ZNF580: variants seen among roughly 807,000 people sequenced by gnomAD.
ZNF580 encodes LDL-induced EC protein.
ZNF580 carries 1 observed loss-of-function variant against 1.3 expected under a neutral mutation model. That is an observed-to-expected ratio of 0.77 (90% CI 0.27 to 3.65). The LOEUF (loss-of-function observed/expected upper bound fraction) is 3.65. Ranked by LOEUF, ZNF580 falls within the 30% of genes most tolerant of loss-of-function variation. The pLI is 0.19. For missense variants in ZNF580, 268 were observed against 272.3 expected (o/e 0.98, Z 0.11); for synonymous variants, 135 against 128.8 (o/e 1.05, Z -0.32).
chr19:55,642,646 A>AC lies in ZNF580; in HGVS notation c.143dup (p.Arg49AlafsTer189), dbSNP rs1163340953. 1 of 1,422,048 alleles carries AC rather than the reference A, an allele frequency of 7.0e-7. No individual in the cohort carries two copies. Among genetic ancestry groups the AC allele is most frequent in the Non-Finnish European group, 9.2e-7 (1 of 1,086,278 alleles). 88.1% of individuals were successfully genotyped at this position (1,422,048 alleles called of 1,614,324 possible). ...CTCCTTCCTCGGCGGCGGGGCCCCG[A>AC]CCCCCGCGGCTGGGCCGCCACCTCC... On this transcript the variant is annotated frameshift_variant, in exon 2 of 2. Coordinates refer to ENST00000325333, the MANE Select transcript of ZNF580 (RefSeq NM_207115.2). LOFTEE classifies it low-confidence loss of function (END_TRUNC).
intron 1 of ZNF580, 51 bp downstream of exon 1, chr19:55,641,234 G>T: frequency 3.1e-6 from 3 of 975,254 alleles, no homozygotes; most frequent in South Asian, 4.7e-5. Context: ...CGACGCCGGG[G>T]CCAGGCAGGC....
intron 1 of ZNF580, 85 bp downstream of exon 1, chr19:55,641,268 C>T: frequency 2.3e-6 from 2 of 859,584 alleles, no homozygotes; most frequent in South Asian, 5.3e-5. Flanking sequence ...TGGAGCCACC[C>T]GGGATGGGGG....
chr19:55,642,993 C>A lies in ZNF580; in HGVS notation c.485C>A (p.Ala162Asp). The A allele has an allele frequency of 7.3e-7, 1 of 1,370,702 alleles. No homozygotes were observed. The highest frequency in any genetic ancestry group is 1.8e-5 in the South Asian group (1 of 54,798). The allele number at this position is 1,370,702 out of a possible 1,614,324, so 84.9% of individuals were successfully genotyped here. A position where few individuals can be genotyped will look rare whatever the true frequency, so the allele number is the denominator to read the frequency against. ...CTCTGCCCACGCCGCTTCCAGGACG[C>A]CGCGGAGCTGGCGCAGCACGTGCGC... ...CPLCPRRFQD[A>D]AELAQHVRLH Residue 162 changes from alanine to aspartate, a missense_variant, in exon 2 of 2, where the codon GCC becomes GAC. Physicochemically the swap from Ala to Asp is moderately radical, Grantham distance 126. Coordinates refer to ENST00000325333, the MANE Select transcript of ZNF580 (RefSeq NM_207115.2).
Position 55,642,566 on chromosome 19 carries a change from G to A in ZNF580, c.58G>A (p.Asp20Asn). 1 of 1,457,602 alleles carries A rather than the reference G, an allele frequency of 6.9e-7. No individual in the cohort carries two copies. Among genetic ancestry groups the A allele is most frequent in the South Asian group, 1.5e-5 (1 of 66,542 alleles). 90.3% of individuals were successfully genotyped at this position (1,457,602 alleles called of 1,614,324 possible). The change falls in exon 2 of 2, where the codon GAC becomes AAC. Residue 20 changes from aspartate (D) to asparagine (N), a missense_variant. Coordinates refer to ENST00000325333, the MANE Select transcript of ZNF580 (RefSeq NM_207115.2). ...HPRSSSPEAMDPPPPKAPPFP... is the reference protein window; with the variant it reads ...HPRSSSPEAMNPPPPKAPPFP... ...TCGGTCCTCCTCTCCGGAGGCCATG[G>A]ACCCACCGCCCCCCAAGGCTCCCCC...
chr19:55,641,741 TG>T (rs79295688), intron 1 of ZNF580: 22,124 of 123,900 alleles, frequency 0.18, 1,751 homozygotes, highest in East Asian at 0.24. Context: ...GTAGCCAGGT[TG>T]GGGGGGCGGG....
chr19:55,642,890 G>A lies in ZNF580; in HGVS notation c.382G>A (p.Ala128Thr), dbSNP rs762882983. Residue 128 changes from alanine to threonine, a missense_variant, in exon 2 of 2, where the codon GCC becomes ACC. By Grantham distance (58) the Ala-to-Thr change is moderately conservative. This residue lies in a region of ZNF580 where 225 missense variants were observed against 201.7 expected (regional missense o/e 1.12). Coordinates refer to ENST00000325333, the MANE Select transcript of ZNF580 (RefSeq NM_207115.2). ...KPFTCGACGKAFKRSSHLSRH... is the reference protein window; with the variant it reads ...KPFTCGACGKTFKRSSHLSRH... Reference sequence around the variant, plus strand: ...CTTCACGTGCGGCGCCTGCGGCAAGGCCTTCAAGCGCTCCAGCCACCTGTC... The same window carrying A: ...CTTCACGTGCGGCGCCTGCGGCAAGACCTTCAAGCGCTCCAGCCACCTGTC... The A allele has an allele frequency of 3.2e-6, 5 of 1,557,970 alleles. No homozygotes were observed. Among genetic ancestry groups the A allele is most frequent in the African/African-American group, 1.4e-5 (1 of 71,252 alleles).
intron 1 of ZNF580, chr19:55,641,775 AG>A (rs1982505069): frequency 1.3e-5 from 2 of 152,150 alleles, no homozygotes; most frequent in African/African-American, 4.9e-5. Context: ...AAGGCATTTG[AG>A]CCATTTTGGG....
chr19:55,642,941 C>A lies in ZNF580; in HGVS notation c.433C>A (p.Arg145Ser), dbSNP rs1001512786. 3.5e-6 allele frequency: 5 copies of A among 1,440,900 alleles called. No individual in the cohort carries two copies. The African/African-American group carries it at 5.9e-5, about 17-fold the overall frequency. The allele number at this position is 1,440,900 out of a possible 1,614,324, so 89.3% of individuals were successfully genotyped here. Residue 145 changes from arginine (R) to serine (S), a missense_variant, in exon 2 of 2, where the codon CGC becomes AGC. Physicochemically the swap from Arg to Ser is moderately radical, Grantham distance 110. Coordinates refer to ENST00000325333, the MANE Select transcript of ZNF580 (RefSeq NM_207115.2). Reference protein sequence around the residue: ...LSRHRATHRARAGPPHTCPLC... With the variant: ...LSRHRATHRASAGPPHTCPLC... ...GCGGCATCGCGCCACGCACCGCGCC[C>A]GCGCCGGGCCGCCGCACACCTGCCC...
In ZNF580 at chr19:55,642,132, G is replaced by T. The variant is rs1054162181; in HGVS notation, c.-12-365G>T. 18 of 1,019,968 alleles carry T rather than the reference G, an allele frequency of 1.8e-5. No homozygotes were observed. The East Asian group carries it at 1.4e-3, about 81-fold the overall frequency. 63.2% of individuals were successfully genotyped at this position (1,019,968 alleles called of 1,614,324 possible). ...AATCTCGGCGGTCAGGAGGCCCGGG[G>T]TCTAAGATGTAAAGAGGTAAACAGA... On this transcript the variant is annotated intron_variant, in intron 1 of 1. Coordinates refer to ENST00000325333, the MANE Select transcript of ZNF580 (RefSeq NM_207115.2).
In ZNF580 at chr19:55,641,114, C is replaced by T. The variant is rs1295764900; in HGVS notation, c.-82C>T. ...AAGTCTCGGTTCCGCCGCCGGCGCTCGCCAGGGGAAGCCCGGGGCCGCCCG... is the reference window on the plus strand; with the variant it reads ...AAGTCTCGGTTCCGCCGCCGGCGCTTGCCAGGGGAAGCCCGGGGCCGCCCG... On this transcript the variant is annotated 5_prime_UTR_variant, in exon 1 of 2. Transcript: ENST00000325333. 2 of 985,088 alleles carry T rather than the reference C, an allele frequency of 2.0e-6. No individual in the cohort carries two copies. Among genetic ancestry groups the T allele is most frequent in the African/African-American group, 3.5e-5 (2 of 57,180 alleles). The allele number at this position is 985,088 out of a possible 1,614,324, so 61.0% of individuals were successfully genotyped here.
chr19:55,642,439 G>A (rs935444454), intron 1 of ZNF580, 58 bp from the exon 2 acceptor site: 1 of 1,396,542 alleles, frequency 7.2e-7, no homozygotes, highest in Middle Eastern at 1.9e-4. Flanking sequence ...TCCATTTTAG[G>A]AAACTTTTCC....
intron 1 of ZNF580, chr19:55,642,156 G>C (rs1416196146): frequency 9.4e-7 from 1 of 1,063,196 alleles, no homozygotes; most frequent in African/African-American, 1.7e-5. Flanking sequence ...GAGGTAAACA[G>C]ATTTAGGGAT....
chr19:55,642,459 G>A, intron 1 of ZNF580, 38 bp from the exon 2 acceptor site: 3 of 1,398,302 alleles, frequency 2.1e-6, no homozygotes, highest in Non-Finnish European at 2.8e-6. Flanking sequence ...CTAAAAGGAA[G>A]TGGCAATTTT....
In ZNF580 at chr19:55,643,195, C is replaced by A. The variant is rs760740711; in HGVS notation, c.*168C>A. 1.0e-5 allele frequency: 12 copies of A among 1,167,856 alleles called. No individual in the cohort carries two copies. Among genetic ancestry groups the A allele is most frequent in the African/African-American group, 1.6e-5 (1 of 62,124 alleles). 72.3% of individuals were successfully genotyped at this position (1,167,856 alleles called of 1,614,324 possible). ...GGGAGGAGCATCATTCCTTCCTTAC[C>A]CCCTTTCTAGCTGTGTGATGTAGAC... On this transcript the variant is annotated 3_prime_UTR_variant, in exon 2 of 2. Coordinates refer to ENST00000325333, the MANE Select transcript of ZNF580 (RefSeq NM_207115.2).
Position 55,641,059 on chromosome 19 carries a change from C to A in ZNF580, c.-137C>A, listed in dbSNP as rs1355376567. 4.1e-6 allele frequency: 4 copies of A among 985,182 alleles called. No homozygotes were observed. Among genetic ancestry groups the A allele is most frequent in the South Asian group, 4.7e-5 (1 of 21,330 alleles). The allele number at this position is 985,182 out of a possible 1,614,324, so 61.0% of individuals were successfully genotyped here. A position where few individuals can be genotyped will look rare whatever the true frequency, so the allele number is the denominator to read the frequency against. On this transcript the variant is annotated 5_prime_UTR_variant, in exon 1 of 2. Coordinates refer to ENST00000325333, the MANE Select transcript of ZNF580 (RefSeq NM_207115.2). ...ACCCCCGCGCCCCCAGTCCCCGCGT[C>A]CCCGGCGCCGCCGGCCCGGAGCTGC...
chr19:55,643,247 G>A lies in ZNF580; in HGVS notation c.*220G>A. 1 of 702,562 alleles carries A rather than the reference G, an allele frequency of 1.4e-6. No individual in the cohort carries two copies. Among genetic ancestry groups the A allele is most frequent in the Non-Finnish European group, 2.0e-6 (1 of 489,436 alleles). 43.5% of individuals were successfully genotyped at this position (702,562 alleles called of 1,614,324 possible). A position where few individuals can be genotyped will look rare whatever the true frequency, so the allele number is the denominator to read the frequency against. On this transcript the variant is annotated 3_prime_UTR_variant, in exon 2 of 2. Transcript: ENST00000325333. The stretch of plus-strand genomic sequence containing the variant: ...AAAGTCGTTGCCCCTCCCTGGGCCT[G>A]GGAACCAGTCGGAACTGGGTTCCAG...
rs1446277112 is a variant in ZNF580 at position 55,643,420 on chromosome 19, C to T, written c.*393C>T. 4.4e-6 allele frequency: 1 copy of T among 225,138 alleles called. No homozygotes were observed. The highest frequency in any genetic ancestry group is 1.8e-4 in the South Asian group (1 of 5,562). The allele number at this position is 225,138 out of a possible 1,614,324, so 13.9% of individuals were successfully genotyped here. On this transcript the variant is annotated 3_prime_UTR_variant, in exon 2 of 2. Coordinates refer to ENST00000325333, the MANE Select transcript of ZNF580 (RefSeq NM_207115.2). ...GTCTGGTTCATTTCTGTATCTACCCCCCTTCCGCCCACGCCCCCGACCCTT... is the reference window on the plus strand; with the variant it reads ...GTCTGGTTCATTTCTGTATCTACCCTCCTTCCGCCCACGCCCCCGACCCTT...
At chr19:55,642,005 C>G in intron 1 of ZNF580, 2 of 911,626 alleles carry the variant, frequency 2.2e-6, no homozygotes, top group South Asian at 5.3e-5. Context: ...GCCAGGAGGC[C>G]GATACGGGGG....
At position 55,642,692 on chromosome 19, in the gene ZNF580, C is replaced by G; in HGVS notation, c.184C>G (p.Pro62Ala). Reference sequence around the variant, plus strand: ...CCTCCTCATCGACGCCAATGGGGTCCCCTACACATACACGGTGCAGCTGGA... The same window carrying G: ...CCTCCTCATCGACGCCAATGGGGTCGCCTACACATACACGGTGCAGCTGGA... ...RHLLIDANGV[P>A]YTYTVQLEEE... The change falls in exon 2 of 2, where the codon CCC becomes GCC. Residue 62 changes from proline to alanine, a missense_variant. This residue lies in a region of ZNF580 where 225 missense variants were observed against 201.7 expected (regional missense o/e 1.12). Transcript: ENST00000325333. 6.8e-7 allele frequency: 1 copy of G among 1,474,634 alleles called. No homozygotes were observed. The highest frequency in any genetic ancestry group is 9.0e-7 in the Non-Finnish European group (1 of 1,112,450). The allele number at this position is 1,474,634 out of a possible 1,614,324, so 91.3% of individuals were successfully genotyped here.
Sources: gnomAD v4.1 joint callset for allele counts on GRCh38, gnomAD v4.1.1 for gene constraint, gnomAD v4.1.1 regional missense constraint, MANE v1.5 for transcripts, NCBI Gene and HGNC (gene_info 2026-07-23, HGNC 2026-07-21) for gene names.